The following TPR variants were observed in gnomAD, a reference collection of about 807,000 sequenced individuals.
TPR encodes the protein nucleoprotein TPR.
Under a neutral mutation model 316.1 loss-of-function variants are expected in TPR, and 51 were observed. The ratio of observed to expected loss-of-function variants is 0.16; its 90% CI spans 0.13 to 0.20. The LOEUF is 0.20. Among genes scored for constraint, TPR ranks in the 10% least tolerant of loss-of-function variants. The pLI, the probability that TPR is intolerant of heterozygous loss-of-function variation, is 1.00. For synonymous variants in TPR, 981 were observed against 914.7 expected, an observed-to-expected ratio of 1.07 and a Z score of -1.31; for missense variants, 2,272 against 2,754.8, an observed-to-expected ratio of 0.82 and a Z score of 3.92.
rs112866675 is a variant in TPR at position 186,317,919 on chromosome 1, A to C, written c.6822-319T>G. Among the ~76,000 whole-genome samples the C allele has an allele frequency of 8.4e-4, 128 of 152,302 alleles. 2 individuals carry two copies. Among genetic ancestry groups the C allele is most frequent in the African/African-American group, 2.9e-3 (121 of 41,562 alleles). On this transcript the variant is annotated intron_variant, in intron 48 of 50. Transcript: ENST00000367478. ...AAATATATGGTCCAGATTTTGATAA[A>C]TCTCAAAACAACATTTTAGGAAAGC... is the stretch of plus-strand genomic sequence containing the variant.
In TPR at chr1:186,357,407, T is replaced by C; in HGVS notation, c.1714A>G (p.Thr572Ala). The C allele has an allele frequency of 6.2e-7, 1 of 1,613,720 alleles. No individual in the cohort carries two copies. Among genetic ancestry groups the C allele is most frequent in the Non-Finnish European group, 8.5e-7 (1 of 1,179,918 alleles). The change falls in exon 14 of 51, where the codon ACT becomes GCT. Residue 572 changes from threonine to alanine, a missense_variant. By Grantham distance (58) the Thr-to-Ala change is moderately conservative (BLOSUM62 0). Around this residue, in one of 10 missense-constraint regions of TPR, gnomAD observed 757 missense variants for 859.8 expected, o/e 0.88. Transcript: ENST00000367478. ...ETREREEQET[T>A]SSKITELQLK... The stretch of plus-strand genomic sequence containing the variant: ...TATGTGACTACTTACTTGGATGAAG[T>C]TGTTTCTTGTTCTTCTCTTTCTCTG...
chr1:186,334,563 A>C (rs1474524247), intron 35 of TPR, 30 bp from the exon 36 acceptor site: 4 of 1,584,072 alleles, frequency 2.5e-6, no homozygotes, highest in Non-Finnish European at 8.6e-7. Flanking sequence ...AAGAATAATT[A>C]ATAACAAATT....
chr1:186,326,312 T>G (rs1657931488), intron 40 of TPR, 77 bp from the exon 41 acceptor site: 1 of 1,529,330 alleles, frequency 6.5e-7, no homozygotes, highest in South Asian at 1.2e-5. Context: ...ATACCACACT[T>G]AGAAATTTAA....
chr1:186,337,215 G>A, intron 31 of TPR, 59 bp from the exon 32 acceptor site: 1 of 1,519,608 alleles, frequency 6.6e-7, no homozygotes, highest in Non-Finnish European at 8.9e-7. Context: ...TTCCATTTCT[G>A]CAAGTTTGTC....
At chr1:186,370,021 T>A (rs1659474514) in intron 3 of TPR, among the ~76,000 whole-genome samples, 1 of 152,176 alleles carries the variant, frequency 6.6e-6, no homozygotes, top group Admixed American at 6.5e-5. Flanking sequence ...TCCAAAAGAT[T>A]AAGAACCTCC....
intron 19 of TPR, 142 bp from the exon 20 acceptor site, chr1:186,351,612 A>G: frequency 1.6e-5 from 14 of 876,212 alleles, no homozygotes; most frequent in Non-Finnish European, 2.2e-5. Flanking sequence ...TCAAGAAAGT[A>G]TTCTGGTATT....
At chr1:186,336,058 G>C (rs1658330301) in intron 33 of TPR, among the ~76,000 whole-genome samples, 1 of 152,012 alleles carries the variant, frequency 6.6e-6, no homozygotes, top group African/African-American at 2.4e-5. Flanking sequence ...TGAAGAACTA[G>C]GTTCTTCATA....
At chr1:186,343,833 C>T in intron 26 of TPR, 73 bp downstream of exon 26, 1 of 1,285,872 alleles carries the variant, frequency 7.8e-7, no homozygotes, top group Middle Eastern at 1.9e-4. Flanking sequence ...ATCTCCTTCT[C>T]TAATTTATAT....
intron 4 of TPR, among the ~76,000 whole-genome samples, chr1:186,365,970 G>T (rs1659330418): frequency 6.6e-6 from 1 of 152,210 alleles, no homozygotes; most frequent in Non-Finnish European, 1.5e-5. Flanking sequence ...AACTAGCAGT[G>T]TCAGAAAACA....
At chr1:186,340,956 T>C (rs1658491963) in intron 29 of TPR, 72 bp downstream of exon 29, 1 of 1,543,002 alleles carries the variant, frequency 6.5e-7, no homozygotes, top group Non-Finnish European at 8.7e-7. Flanking sequence ...CAAATATTTT[T>C]ATTCCCCTAA....
intron 3 of TPR, among the ~76,000 whole-genome samples, chr1:186,370,361 G>C (rs1659482618): frequency 6.6e-6 from 1 of 152,022 alleles, no homozygotes; most frequent in South Asian, 2.1e-4. Context: ...ACAGTTTTCA[G>C]AGAAGTATTT....
rs1571611901 is a variant in TPR at position 186,334,610 on chromosome 1, G to A, written c.4974-77C>T. On this transcript the variant is annotated intron_variant, in intron 35 of 50. Coordinates refer to ENST00000367478, the MANE Select transcript of TPR (RefSeq NM_003292.3). ...ACTTTTAAAAACACAGTGAGTATAG[G>A]TCTCCATTTTTTTGTTCACTAAATA... is the stretch of plus-strand genomic sequence containing the variant. 3 of 1,435,668 alleles carry A rather than the reference G, an allele frequency of 2.1e-6. No individual in the cohort carries two copies. The East Asian group carries it at 6.9e-5, about 33-fold the overall frequency. The allele number at this position is 1,435,668 out of a possible 1,614,324, so 88.9% of individuals were successfully genotyped here. A position where few individuals can be genotyped will look rare whatever the true frequency, so the allele number is the denominator to read the frequency against.
intron 39 of TPR, among the ~76,000 whole-genome samples, chr1:186,328,568 C>G (rs1213122824): frequency 6.6e-6 from 1 of 151,956 alleles, no homozygotes; most frequent in Non-Finnish European, 1.5e-5. Flanking sequence ...AAAAAATACT[C>G]ATGGGTCTGC....
rs1658501407 is a variant in TPR, at chr1:186,341,361, T to C, written c.3779A>G (p.Glu1260Gly). 1 of 1,613,432 alleles carries C rather than the reference T, an allele frequency of 6.2e-7. No individual in the cohort carries two copies. The highest frequency in any genetic ancestry group is 1.7e-4 in the Middle Eastern group (1 of 6,046). The part of the protein sequence containing the change: ...QVTAKTMAQH[E>G]ELMKKTETMN... The stretch of plus-strand genomic sequence containing the variant: ...TGTTTCAGTTTTCTTCATCAGTTCT[T>C]CATGCTGAGCCATTGTTTTTGCAGT... Residue 1260 changes from glutamate to glycine, a missense_variant, in exon 28 of 51, where the codon GAA becomes GGA. By Grantham distance (98) the Glu-to-Gly change is moderately conservative. Around this residue, in one of 10 missense-constraint regions of TPR, gnomAD observed 757 missense variants for 859.8 expected, o/e 0.88. Transcript: ENST00000367478.
chr1:186,318,669 A>AG, intron 47 of TPR, 64 bp downstream of exon 47: 1 of 1,607,192 alleles, frequency 6.2e-7, no homozygotes, highest in Non-Finnish European at 8.5e-7. Context: ...TTTAGCCAGA[A>AG]GATACTTCAT....
At chr1:186,343,857 T>C in intron 26 of TPR, 49 bp downstream of exon 26, 1 of 1,462,362 alleles carries the variant, frequency 6.8e-7, no homozygotes, top group South Asian at 1.3e-5. Context: ...TGTAGTTTCA[T>C]TTCATAGTTG....
chr1:186,327,060 AT>A (rs1408028849), intron 40 of TPR, among the ~76,000 whole-genome samples: 1 of 8,482 alleles, frequency 1.2e-4, no homozygotes, highest in African/African-American at 4.7e-4. Flanking sequence ...TAACATATAT[AT>A]TATATATAAA....
In TPR at chr1:186,339,719, A is replaced by C; in HGVS notation, c.4074T>G (p.Leu1358=). The change falls in exon 30 of 51, where the codon CTT becomes CTG. Residue 1358 remains leucine (L), a synonymous_variant. Coordinates refer to ENST00000367478, the MANE Select transcript of TPR (RefSeq NM_003292.3). ...DPDTEEYRKL[L]SEKEVHTKRI... Reference sequence around the variant, plus strand: ...GCTTAGTATGAACTTCCTTTTCAGAAAGGAGCTTCCGATATTCTTCTGTAT... The same window carrying C: ...GCTTAGTATGAACTTCCTTTTCAGACAGGAGCTTCCGATATTCTTCTGTAT... The C allele has an allele frequency of 6.2e-7, 1 of 1,605,200 alleles. No individual in the cohort carries two copies. Among genetic ancestry groups the C allele is most frequent in the Non-Finnish European group, 8.5e-7 (1 of 1,175,816 alleles).
chr1:186,347,356 C>T lies in TPR; in HGVS notation c.2879G>A (p.Ser960Asn), dbSNP rs3753565. 246,400 of 1,613,400 alleles carry T rather than the reference C, an allele frequency of 0.15. 20,423 individuals are homozygous for T. The highest frequency in any genetic ancestry group is 0.17 in the Non-Finnish European group (196,468 of 1,179,612). The change falls in exon 22 of 51, where the codon AGC (serine) becomes AAC (asparagine). Residue 960 changes from serine (S) to asparagine (N), a missense_variant. By Grantham distance (46) the Ser-to-Asn change is conservative (BLOSUM62 1). Coordinates refer to ENST00000367478, the MANE Select transcript of TPR (RefSeq NM_003292.3). Reference sequence around the variant, plus strand: ...CATTGCTTGATATTGTTCCACATTGCTCGTACTTGTTTTGAGTCTCTCCTT... The same window carrying T: ...CATTGCTTGATATTGTTCCACATTGTTCGTACTTGTTTTGAGTCTCTCCTT... ...DLKERLKTST[S>N]NVEQYQAMVT...
Sources: allele counts gnomAD v4.1 joint callset (sites outside exome capture counted in the v4.1 genomes callset), GRCh38; gene constraint gnomAD v4.1.1; regional missense constraint gnomAD v4.1.1; transcripts MANE v1.5; gene names NCBI Gene and HGNC (gene_info 2026-07-23, HGNC 2026-07-21).